Variants in C4orf50 observed in about 807,000 individuals in gnomAD.
C4orf50 encodes uncharacterized protein C4orf50.
In C4orf50, 80 loss-of-function variants were observed where a neutral mutation model predicts 77.2. The ratio of observed to expected loss-of-function variants is 1.04; its 90% confidence interval spans 0.87 to 1.25. The LOEUF is 1.25. Among genes scored for constraint, C4orf50 ranks in the 50% most tolerant of loss-of-function variants. C4orf50 has a pLI of 0.00. For synonymous variants in C4orf50, 532 were observed against 465.3 expected, an observed-to-expected ratio of 1.14 and a Z score of -1.84; for missense variants, 1,257 against 1,152.9, an observed-to-expected ratio of 1.09 and a Z score of -1.31.
chr4:6,004,843 G>A (rs938433283), intron 25 of C4orf50, among the ~76,000 whole-genome samples: 2 of 152,002 alleles, frequency 1.3e-5, no homozygotes, highest in Non-Finnish European at 1.5e-5. Flanking sequence ...ATGTGATGGT[G>A]ATGGTGATGG....
At chr4:5,989,760 A>G in exon 28 of C4orf50, 2 of 1,531,328 alleles carry the variant, frequency 1.3e-6, no homozygotes, top group Non-Finnish European at 1.7e-6. Context: ...TCTCTCCTGC[A>G]AAGAAAAGCA....
chr4:5,953,744 C>A (rs1473624481), downstream of C4orf50, among the ~76,000 whole-genome samples: 1 of 152,162 alleles, frequency 6.6e-6, no homozygotes, highest in Non-Finnish European at 1.5e-5. Context: ...GACCTGCCCA[C>A]CACAGGCTGC....
chr4:5,913,081 CTA>C (rs1716878210), intron 7 of C4orf50, among the ~76,000 whole-genome samples: 1 of 152,128 alleles, frequency 6.6e-6, no homozygotes, highest in African/African-American at 2.4e-5. Context: ...ACATCACAAA[CTA>C]TAGAAAATAA....
chr4:6,001,088 C>A (rs1379458062), intron 25 of C4orf50, among the ~76,000 whole-genome samples: 2 of 152,220 alleles, frequency 1.3e-5, no homozygotes, highest in African/African-American at 4.8e-5. Context: ...TTCTCCTAAC[C>A]TGGTTTTTCA....
At chr4:5,985,670 A>T (rs1233808005) in intron 28 of C4orf50, among the ~76,000 whole-genome samples, 1 of 152,136 alleles carries the variant, frequency 6.6e-6, no homozygotes, top group Non-Finnish European at 1.5e-5. Context: ...AAAATAGTAA[A>T]TAAATAAAAT....
At chr4:5,967,583 G>A (rs1719655581) in intron 31 of C4orf50, 121 bp from the exon 10 acceptor site, 2 of 809,506 alleles carry the variant, frequency 2.5e-6, no homozygotes, top group South Asian at 1.4e-5. Context: ...CGCTTTCTGT[G>A]TAGGACCAAC....
chr4:5,944,634 C>T (rs1718406469), intron 7 of C4orf50, among the ~76,000 whole-genome samples: 1 of 152,148 alleles, frequency 6.6e-6, no homozygotes, highest in African/African-American at 2.4e-5. Flanking sequence ...CACGCCTGGC[C>T]TGTGCTGGGA....
chr4:5,988,773 G>A, exon 28 of C4orf50: 1 of 1,536,096 alleles, frequency 6.5e-7, no homozygotes, highest in Non-Finnish European at 8.7e-7. Context: ...TGCGTAGAAG[G>A]TGCTCGTTCT....
chr4:6,004,258 G>A (rs796373144), intron 25 of C4orf50, among the ~76,000 whole-genome samples: 3 of 44,974 alleles, frequency 6.7e-5, no homozygotes, highest in Non-Finnish European at 1.4e-4. Flanking sequence ...TGATGGTGAT[G>A]GTGATGGTGG....
At chr4:5,910,914 T>TTC (rs1209255731) in intron 7 of C4orf50, among the ~76,000 whole-genome samples, 4 of 141,400 alleles carry the variant, frequency 2.8e-5, no homozygotes, top group Non-Finnish European at 6.2e-5. Flanking sequence ...TTTCTTTTTT[T>TTC]TTTTTTTTTT....
At chr4:5,943,004 A>G (rs1718327703) in intron 7 of C4orf50, among the ~76,000 whole-genome samples, 3 of 152,172 alleles carry the variant, frequency 2.0e-5, no homozygotes, top group Admixed American at 2.0e-4. Flanking sequence ...AAGCAGAAAA[A>G]TGTTGTTTAA....
chr4:5,928,413 C>T (rs541407828), intron 7 of C4orf50, among the ~76,000 whole-genome samples: 16 of 152,048 alleles, frequency 1.1e-4, no homozygotes, highest in Middle Eastern at 6.8e-3. Flanking sequence ...GAAGATACCT[C>T]GGACAGCAGC....
At chr4:5,920,915 C>A (rs372810744) in intron 7 of C4orf50, among the ~76,000 whole-genome samples, 1 of 152,218 alleles carries the variant, frequency 6.6e-6, no homozygotes, top group East Asian at 1.9e-4. Flanking sequence ...CTGGTCAGGG[C>A]AGAATGGCTG....
At chr4:5,940,417 G>A (rs17694728) in intron 7 of C4orf50, among the ~76,000 whole-genome samples, 5,692 of 152,304 alleles carry the variant, frequency 0.037, 158 homozygotes, top group Non-Finnish European at 0.056. Flanking sequence ...TCTGCAGCCT[G>A]AATCCCACCA....
chr4:6,014,766 G>A (rs532951005), intron 23 of C4orf50, among the ~76,000 whole-genome samples: 2 of 152,196 alleles, frequency 1.3e-5, no homozygotes, highest in Non-Finnish European at 2.9e-5. Flanking sequence ...GAGCCAAGAT[G>A]GGGCAAGTAT....
intron 29 of C4orf50, among the ~76,000 whole-genome samples, chr4:5,978,708 A>G (rs2108779704): frequency 6.6e-6 from 1 of 152,364 alleles, no homozygotes; most frequent in South Asian, 2.1e-4. Context: ...AGAATCAACA[A>G]TATTGCCACC....
chr4:5,934,823 GGAACCAGGCAAAGTGT>G (rs1717937750), intron 7 of C4orf50, among the ~76,000 whole-genome samples: 1 of 152,204 alleles, frequency 6.6e-6, no homozygotes, highest in Non-Finnish European at 1.5e-5. Flanking sequence ...TCATGGGCCA[GGAACCAGGCAAAGTGT>G]CTTTCTATAG....
At chr4:5,944,402 T>C (rs1718395241) in intron 7 of C4orf50, among the ~76,000 whole-genome samples, 2 of 152,156 alleles carry the variant, frequency 1.3e-5, no homozygotes, top group Non-Finnish European at 2.9e-5. Context: ...TCTCCCACTA[T>C]CCTGTGCTCC....
intron 25 of C4orf50, among the ~76,000 whole-genome samples, chr4:6,001,820 C>T (rs1165228866): frequency 1.3e-5 from 2 of 152,228 alleles, no homozygotes; most frequent in Non-Finnish European, 2.9e-5. Context: ...AAATGTATAG[C>T]ATGTCAGTGT....
Sources: allele counts gnomAD v4.1 joint callset (sites outside exome capture counted in the v4.1 genomes callset), GRCh38; gene constraint gnomAD v4.1.1; transcripts MANE v1.5; gene names NCBI Gene and HGNC (gene_info 2026-07-23, HGNC 2026-07-21).